TRPM3: variants seen among roughly 807,000 people sequenced by gnomAD.
TRPM3 encodes long transient receptor potential channel 3.
In TRPM3, 77 loss-of-function variants were observed where a neutral mutation model predicts 181.2. The ratio of observed to expected loss-of-function variants is 0.42; its 90% CI spans 0.35 to 0.51. TRPM3 has a LOEUF of 0.51. TRPM3 is among the 20% of genes least tolerant of loss of function. The pLI, the probability that TRPM3 is intolerant of heterozygous loss-of-function variation, is 0.01. For missense variants in TRPM3, 1,759 were observed against 2,196.7 expected, an observed-to-expected ratio of 0.80 and a Z score of 3.98; for synonymous variants, 745 against 796.4, an observed-to-expected ratio of 0.94 and a Z score of 1.09.
intron 1 of TRPM3, among the ~76,000 whole-genome samples, chr9:71,269,656 C>G (rs1350139540): frequency 2.0e-5 from 3 of 152,142 alleles, no homozygotes; most frequent in African/African-American, 7.2e-5. Context: ...CTAGAAAAAT[C>G]GGAGTGAGTG....
intron 1 of TRPM3, among the ~76,000 whole-genome samples, chr9:70,924,773 G>T (rs2096703940): frequency 6.6e-6 from 1 of 152,148 alleles, no homozygotes; most frequent in Admixed American, 6.5e-5. Flanking sequence ...TGAATGTTAA[G>T]TACTTTAATA....
intron 1 of TRPM3, among the ~76,000 whole-genome samples, chr9:71,367,345 C>T (rs2132766423): frequency 6.6e-6 from 1 of 152,286 alleles, no homozygotes; most frequent in African/African-American, 2.4e-5. Context: ...CTGTCCCAGA[C>T]ACTAGGTCTA....
intron 1 of TRPM3, among the ~76,000 whole-genome samples, chr9:71,164,183 AC>A (rs1375363440): frequency 2.6e-5 from 4 of 152,236 alleles, no homozygotes; most frequent in Admixed American, 2.6e-4. Context: ...TGGCTGGACA[AC>A]CACTTCATTT....
intron 1 of TRPM3, among the ~76,000 whole-genome samples, chr9:71,446,399 T>C (rs34265238): frequency 0.035 from 5,309 of 152,158 alleles, 137 homozygotes; most frequent in Non-Finnish European, 0.053. Flanking sequence ...GCGAGCCCCC[T>C]CGCCTCTCGA....
intron 1 of TRPM3, among the ~76,000 whole-genome samples, chr9:71,418,755 G>T (rs2093676364): frequency 6.8e-6 from 1 of 147,344 alleles, no homozygotes; most frequent in Non-Finnish European, 1.5e-5. Context: ...TATCCTTTGA[G>T]ATACTATATA....
intron 8 of TRPM3, among the ~76,000 whole-genome samples, chr9:70,700,765 G>C (rs1463803355): frequency 6.6e-6 from 1 of 152,144 alleles, no homozygotes; most frequent in African/African-American, 2.4e-5. Flanking sequence ...ACATCCACTT[G>C]CCTATCATAG....
chr9:70,537,061 A>G lies in TRPM3; in HGVS notation c.4052T>C (p.Phe1351Ser), dbSNP rs745722020. ...TLMPRMRSHS[F>S]YSVNMKDKGG... ...TTTGTCTTTCATATTGACCGAATAG[A>G]AAGAATGGCTTCGCATACGGGGCAT... The change falls in exon 26 of 26, where the codon TTC (phenylalanine) becomes TCC (serine). Residue 1351 changes from phenylalanine (F) to serine (S), a missense_variant. Around this residue, in one of 8 missense-constraint regions of TRPM3, gnomAD observed 612 missense variants for 590.0 expected, o/e 1.04. Coordinates refer to ENST00000677713, the MANE Select transcript of TRPM3 (RefSeq NM_001366145.2). The G allele has an allele frequency of 6.2e-7, 1 of 1,612,450 alleles. No homozygotes were observed. Among genetic ancestry groups the G allele is most frequent in the Admixed American group, 1.7e-5 (1 of 59,996 alleles).
At chr9:70,895,050 T>C (rs2096263281) in intron 1 of TRPM3, among the ~76,000 whole-genome samples, 1 of 152,160 alleles carries the variant, frequency 6.6e-6, no homozygotes, top group Non-Finnish European at 1.5e-5. Flanking sequence ...ATGCTAATAG[T>C]ATCTATCGTC....
chr9:71,238,126 T>C (rs1052524800), intron 1 of TRPM3, among the ~76,000 whole-genome samples: 2 of 152,220 alleles, frequency 1.3e-5, no homozygotes, highest in African/African-American at 4.8e-5. Context: ...CTTCTGCATT[T>C]CTAAAAAGTA....
intron 8 of TRPM3, among the ~76,000 whole-genome samples, chr9:70,751,262 A>T (rs1221353020): frequency 6.6e-6 from 1 of 152,196 alleles, no homozygotes; most frequent in East Asian, 1.9e-4. Flanking sequence ...AGTACGAACT[A>T]AAAGAAGTTG....
intron 1 of TRPM3, among the ~76,000 whole-genome samples, chr9:70,936,611 T>C (rs904013419): frequency 6.6e-6 from 1 of 152,172 alleles, no homozygotes; most frequent in Admixed American, 6.6e-5. Context: ...ATGTTTTGGA[T>C]ATGGTTCAGA....
intron 1 of TRPM3, among the ~76,000 whole-genome samples, chr9:70,949,004 A>G (rs1192388450): frequency 6.6e-6 from 1 of 152,044 alleles, no homozygotes; most frequent in African/African-American, 2.4e-5. Flanking sequence ...CTTCTTTTTG[A>G]TTCAACAATT....
chr9:70,920,290 A>G (rs988030301), intron 1 of TRPM3, among the ~76,000 whole-genome samples: 2 of 152,142 alleles, frequency 1.3e-5, no homozygotes, highest in Non-Finnish European at 2.9e-5. Flanking sequence ...CACTCCTCAC[A>G]ATGTCTGTGT....
chr9:71,160,056 G>A (rs1235476082), intron 1 of TRPM3, among the ~76,000 whole-genome samples: 1 of 152,016 alleles, frequency 6.6e-6, no homozygotes, highest in Non-Finnish European at 1.5e-5. Flanking sequence ...TTCTCTGACT[G>A]TATTTCTGAC....
intron 1 of TRPM3, among the ~76,000 whole-genome samples, chr9:70,982,839 T>G (rs1028265445): frequency 6.6e-6 from 1 of 152,112 alleles, no homozygotes; most frequent in African/African-American, 2.4e-5. Context: ...TAGCTGGGAT[T>G]ACAGGTGCCC....
chr9:70,657,476 C>A (rs2060522013), intron 9 of TRPM3, among the ~76,000 whole-genome samples: 1 of 152,016 alleles, frequency 6.6e-6, no homozygotes, highest in Non-Finnish European at 1.5e-5. Context: ...GAAATGTTTT[C>A]TTCCAATATA....
intron 1 of TRPM3, among the ~76,000 whole-genome samples, chr9:71,382,428 T>A (rs2092822525): frequency 4.6e-5 from 7 of 152,160 alleles, no homozygotes; most frequent in Admixed American, 3.9e-4. Flanking sequence ...AATCATGCTA[T>A]TGGAAAATAG....
At chr9:71,166,025 C>T (rs1457042968) in intron 1 of TRPM3, among the ~76,000 whole-genome samples, 2 of 152,142 alleles carry the variant, frequency 1.3e-5, no homozygotes, top group African/African-American at 4.8e-5. Flanking sequence ...CAGTCCCTTC[C>T]AGGTTCCCAT....
intron 22 of TRPM3, among the ~76,000 whole-genome samples, chr9:70,578,339 T>C (rs1446951105): frequency 1.3e-5 from 2 of 150,644 alleles, no homozygotes; most frequent in African/African-American, 4.9e-5. Flanking sequence ...CTCTCTTAGA[T>C]GCAAACTTGA....
Sources: allele counts gnomAD v4.1 joint callset (sites outside exome capture counted in the v4.1 genomes callset), GRCh38; gene constraint gnomAD v4.1.1; regional missense constraint gnomAD v4.1.1; transcripts MANE v1.5; gene names NCBI Gene and HGNC (gene_info 2026-07-23, HGNC 2026-07-21).